The following ARHGEF7 variants were observed in gnomAD, a reference collection of about 807,000 sequenced individuals.
ARHGEF7 encodes Rho guanine nucleotide exchange factor 7, also known as PAK-interacting exchange factor beta.
ARHGEF7 carries 33 observed loss-of-function variants against 109.8 expected under a neutral mutation model. The observed-to-expected ratio is 0.30, with a 90% CI of 0.23 to 0.40. The LOEUF is 0.40. Ranked by LOEUF, ARHGEF7 falls within the 10% of genes least tolerant of loss-of-function variation. The pLI is 1.00. For synonymous variants in ARHGEF7, 458 were observed against 424.6 expected (o/e 1.08, Z -0.97); for missense variants, 938 against 1,098.5 (o/e 0.85, Z 2.07).
chr13:111,115,800 T>A, intron 1 of ARHGEF7, 109 bp downstream of exon 1: 2 of 466,220 alleles, frequency 4.3e-6, no homozygotes, highest in Non-Finnish European at 5.7e-6. Context: ...CCGTGCGCCC[T>A]CCTTTGTGCG....
intron 1 of ARHGEF7, among the ~76,000 whole-genome samples, chr13:111,132,622 A>G (rs1444152553): frequency 1.3e-5 from 2 of 152,218 alleles, no homozygotes; most frequent in Admixed American, 6.5e-5. Flanking sequence ...AAACGCTCAC[A>G]GTGTATTACA....
At chr13:111,232,991 G>T (rs1018395968) in intron 5 of ARHGEF7, among the ~76,000 whole-genome samples, 4 of 152,136 alleles carry the variant, frequency 2.6e-5, no homozygotes, top group East Asian at 3.9e-4. Flanking sequence ...ACAGGGTGGG[G>T]ATGGGGTGCT....
chr13:111,257,160 C>T (rs1404856703), intron 8 of ARHGEF7, among the ~76,000 whole-genome samples: 1 of 152,220 alleles, frequency 6.6e-6, no homozygotes, highest in African/African-American at 2.4e-5. Flanking sequence ...ACCCAGCTCT[C>T]CTTACTATTC....
At chr13:111,287,576 G>T (rs2093074980) in intron 17 of ARHGEF7, among the ~76,000 whole-genome samples, 1 of 152,256 alleles carries the variant, frequency 6.6e-6, no homozygotes. Context: ...ATGGAGTGCT[G>T]CAGAGACCCA....
At chr13:111,301,572 A>G (rs2093568825) in intron 21 of ARHGEF7, 40 bp downstream of exon 21, 4 of 1,509,174 alleles carry the variant, frequency 2.7e-6, no homozygotes, top group Non-Finnish European at 3.7e-6. Flanking sequence ...TTTTCTTTTC[A>G]AATGGGAGAA....
At chr13:111,257,734 C>T (rs1430766656) in intron 8 of ARHGEF7, among the ~76,000 whole-genome samples, 1 of 152,250 alleles carries the variant, frequency 6.6e-6, no homozygotes, top group Non-Finnish European at 1.5e-5. Context: ...TCAACTTCGG[C>T]AGCAGCCACG....
intron 8 of ARHGEF7, among the ~76,000 whole-genome samples, chr13:111,246,282 C>T (rs2088835785): frequency 6.6e-6 from 1 of 152,092 alleles, no homozygotes; most frequent in African/African-American, 2.4e-5. Context: ...ATTCATATAA[C>T]CCCCAGAAAA....
At chr13:111,147,772 A>G (rs961787072) in intron 1 of ARHGEF7, among the ~76,000 whole-genome samples, 1 of 132,730 alleles carries the variant, frequency 7.5e-6, no homozygotes, top group Non-Finnish European at 1.5e-5. Context: ...ATCTCGGCTC[A>G]CTGCAAGCTC....
chr13:111,238,513 G>A (rs938594151), intron 6 of ARHGEF7, among the ~76,000 whole-genome samples: 26 of 152,178 alleles, frequency 1.7e-4, no homozygotes, highest in African/African-American at 6.3e-4. Context: ...TGGAATCCCC[G>A]TAGATTTTGA....
chr13:111,300,209 A>G (rs181331800), intron 19 of ARHGEF7, among the ~76,000 whole-genome samples: 2 of 152,296 alleles, frequency 1.3e-5, no homozygotes, highest in African/African-American at 2.4e-5. Flanking sequence ...AAAAATGTTT[A>G]TATTTTAGGA....
rs562773261 is a variant in ARHGEF7 at position 111,203,045 on chromosome 13, A to G, written c.253-2244A>G. 20 of 1,266,578 alleles carry G rather than the reference A, an allele frequency of 1.6e-5. No homozygotes were observed. The South Asian group carries it at 2.6e-4, about 17-fold the overall frequency. 78.5% of individuals were successfully genotyped at this position (1,266,578 alleles called of 1,614,324 possible). On this transcript the variant is annotated intron_variant, in intron 2 of 21. Coordinates refer to ENST00000646102, the MANE Select transcript of ARHGEF7 (RefSeq NM_001354046.2). ...AGTAAGAAAGATATATAGTTCTGGAATAACAGGAAACTTCACATTTTTCAC... is the reference window on the plus strand; with the variant it reads ...AGTAAGAAAGATATATAGTTCTGGAGTAACAGGAAACTTCACATTTTTCAC...
rs1024531653 is a variant in ARHGEF7, at chr13:111,246,218, C to T, written c.950+1924C>T. 2.0e-5 allele frequency among the ~76,000 whole-genome samples: 3 copies of T among 152,206 alleles called. 1 individual carries two copies. The highest frequency in any genetic ancestry group is 4.4e-5 in the Non-Finnish European group (3 of 68,032). On this transcript the variant is annotated intron_variant, in intron 8 of 21. Coordinates refer to ENST00000646102, the MANE Select transcript of ARHGEF7 (RefSeq NM_001354046.2). Reference sequence around the variant, plus strand: ...TAGTCTATCAGGTGAGGTTTCTTTACTTGTGGGTTTGATGAAGGTGACACA... The same window carrying T: ...TAGTCTATCAGGTGAGGTTTCTTTATTTGTGGGTTTGATGAAGGTGACACA...
In ARHGEF7 at chr13:111,115,539, G is replaced by A; in HGVS notation, c.13G>A (p.Glu5Lys). 1 of 1,371,572 alleles carries A rather than the reference G, an allele frequency of 7.3e-7. No individual in the cohort carries two copies. Among genetic ancestry groups the A allele is most frequent in the Non-Finnish European group, 9.6e-7 (1 of 1,040,622 alleles). 85.0% of individuals were successfully genotyped at this position (1,371,572 alleles called of 1,614,324 possible). A position where few individuals can be genotyped will look rare whatever the true frequency, so the allele number is the denominator to read the frequency against. The change falls in exon 1 of 22, where the codon GAG becomes AAG. Residue 5 changes from glutamate to lysine, a missense_variant. Around this residue, in one of 4 missense-constraint regions of ARHGEF7, gnomAD observed 165 missense variants for 125.8 expected, o/e 1.31. Coordinates refer to ENST00000646102, the MANE Select transcript of ARHGEF7 (RefSeq NM_001354046.2). ...CCGGGCCGCAGCGATGAATTCCGCC[G>A]AGCAAACCGTTACGTGGCTCATCAC... is the stretch of plus-strand genomic sequence containing the variant. MNSA[E>K]QTVTWLITLG...
Position 111,280,642 on chromosome 13 carries a change from C to A in ARHGEF7, c.1690C>A (p.Pro564Thr). The change falls in exon 15 of 22, where the codon CCC (proline) becomes ACC (threonine). Residue 564 changes from proline (P) to threonine (T), a missense_variant. By Grantham distance (38) the Pro-to-Thr change is conservative. This residue lies in a region of ARHGEF7 where 585 missense variants were observed against 723.6 expected (regional missense o/e 0.81). Transcript: ENST00000646102. ...AACGAAGGTCACGTCTGTGGGAAAC[C>A]CCACCATAAAGCCTCATTCAGTGCC... ...KQTKVTSVGN[P>T]TIKPHSVPSH... is the part of the protein sequence containing the mutation. The A allele has an allele frequency of 2.5e-6, 4 of 1,609,150 alleles. No homozygotes were observed. Among genetic ancestry groups the A allele is most frequent in the Non-Finnish European group, 3.4e-6 (4 of 1,178,062 alleles).
At position 111,255,576 on chromosome 13, in the gene ARHGEF7, C is replaced by T. The variant is rs2090326839; in HGVS notation, c.950+11282C>T. On this transcript the variant is annotated intron_variant, in intron 8 of 21. Transcript: ENST00000646102. The surrounding 1 kb of genome is among the most constrained non-coding windows in gnomAD (Gnocchi z 4.1). ...GCAGCCTCTGTTCTGCCAGGGCCCT[C>T]CCTGTGCACCATTTATAACTTCAGT... Among the ~76,000 whole-genome samples, 1 of 152,238 alleles carries T rather than the reference C, an allele frequency of 6.6e-6. No homozygotes were observed. Among genetic ancestry groups the T allele is most frequent in the Non-Finnish European group, 1.5e-5 (1 of 68,042 alleles).
intron 2 of ARHGEF7, among the ~76,000 whole-genome samples, chr13:111,180,371 T>C (rs956089708): frequency 1.3e-5 from 2 of 151,860 alleles, no homozygotes; most frequent in African/African-American, 4.8e-5. Flanking sequence ...GCTTCAGGAG[T>C]GAATAGAAGG....
In ARHGEF7 at chr13:111,153,869, G is replaced by T. The variant is rs375170560; in HGVS notation, c.166-36G>T. On this transcript the variant is annotated intron_variant, in intron 1 of 21. Coordinates refer to ENST00000646102, the MANE Select transcript of ARHGEF7 (RefSeq NM_001354046.2). ...CCTTGTCCGCGGCGTCCCCGCTGCC[G>T]GCCACGGCGCTCAGCGCTTGTGCTC... 2.5e-6 allele frequency: 4 copies of T among 1,579,234 alleles called. No homozygotes were observed. The African/African-American group carries it at 5.7e-5, about 22-fold the overall frequency.
chr13:111,221,709 GTATC>G (rs10624279), intron 5 of ARHGEF7, among the ~76,000 whole-genome samples: 1 of 145,132 alleles, frequency 6.9e-6, no homozygotes, highest in African/African-American at 2.6e-5. Context: ...ATATCTATCT[GTATC>G]TATCTATATA....
At position 111,153,934 on chromosome 13, in the gene ARHGEF7, G is replaced by A; in HGVS notation, c.195G>A (p.Glu65=). ...KVYPEPRSES[E]CLSNIREFLR... ...ACCCCGAGCCCCGGAGCGAGAGCGA[G>A]TGCCTGAGCAACATCCGCGAGTTCC... Residue 65 remains glutamate (E), a synonymous_variant, in exon 2 of 22, where the codon GAG becomes GAA. Coordinates refer to ENST00000646102, the MANE Select transcript of ARHGEF7 (RefSeq NM_001354046.2). 2 of 1,605,816 alleles carry A rather than the reference G, an allele frequency of 1.2e-6. No homozygotes were observed. The highest frequency in any genetic ancestry group is 1.7e-6 in the Non-Finnish European group (2 of 1,177,390).
Sources: gnomAD v4.1 joint callset for allele counts (sites outside exome capture counted in the v4.1 genomes callset) on GRCh38, gnomAD v4.1.1 for gene constraint, gnomAD v4.1.1 regional missense constraint, Gnocchi (gnomAD v3.1) non-coding constraint, MANE v1.5 for transcripts, NCBI Gene and HGNC (gene_info 2026-07-23, HGNC 2026-07-21) for gene names.